DNAH7: variants seen among roughly 807,000 people sequenced by gnomAD.
DNAH7 encodes axonemal beta dynein heavy chain 7.
A neutral mutation model predicts 444.6 loss-of-function variants in DNAH7; 397 were observed. The ratio of observed to expected loss-of-function variants is 0.89; its 90% CI spans 0.82 to 0.97. The LOEUF (loss-of-function observed/expected upper bound fraction) is 0.97, where lower values mean the gene tolerates loss of function less well. DNAH7 is among the 50% of genes least tolerant of loss of function. The pLI, the probability that DNAH7 is intolerant of heterozygous loss-of-function variation, is 0.00. For missense variants in DNAH7, 4,902 were observed against 4,800.8 expected (o/e 1.02, Z -0.62); for synonymous variants, 1,636 against 1,624.4 (o/e 1.01, Z -0.17).
intron 15 of DNAH7, among the ~76,000 whole-genome samples, chr2:195,979,529 C>T (rs1466462937): frequency 6.6e-6 from 1 of 151,948 alleles, no homozygotes; most frequent in Non-Finnish European, 1.5e-5. Context: ...AGTACAAAAA[C>T]TTCAAATAAG....
chr2:196,056,341 A>G (rs2125879521), intron 2 of DNAH7, among the ~76,000 whole-genome samples: 1 of 150,726 alleles, frequency 6.6e-6, no homozygotes, highest in South Asian at 2.1e-4. Flanking sequence ...GCTACTCAGG[A>G]GGCTGAGACA....
intron 42 of DNAH7, among the ~76,000 whole-genome samples, chr2:195,861,224 A>T (rs1329809681): frequency 6.6e-6 from 1 of 152,154 alleles, no homozygotes. Context: ...AAATATTTGA[A>T]TAAACTTCTG....
intron 14 of DNAH7, 116 bp from the exon 15 acceptor site, chr2:195,984,826 C>G (rs1028492858): frequency 5.4e-6 from 5 of 927,950 alleles, no homozygotes; most frequent in Non-Finnish European, 6.5e-6. Context: ...TATAACTTAG[C>G]TATATGACAT....
chr2:195,994,792 T>C (rs1693584630), intron 12 of DNAH7: 1 of 468,054 alleles, frequency 2.1e-6, no homozygotes, highest in East Asian at 5.2e-5. Context: ...GGTTAATAGT[T>C]TGAGGTCCAG....
At chr2:195,947,317 A>G (rs1359105228) in intron 19 of DNAH7, among the ~76,000 whole-genome samples, 1 of 151,942 alleles carries the variant, frequency 6.6e-6, no homozygotes, top group East Asian at 1.9e-4. Flanking sequence ...ATTATACTTT[A>G]AGTTCTGGGA....
At position 195,793,835 on chromosome 2, in the gene DNAH7, A is replaced by G. The variant is rs568189403; in HGVS notation, c.10716+503T>C. Among the ~76,000 whole-genome samples the G allele has an allele frequency of 3.3e-5, 5 of 152,302 alleles. No individual in the cohort carries two copies. In the South Asian group the frequency reaches 8.3e-4, roughly 25 times the overall value. ...TTTTAGGTCACAGACATTCACGTAC[A>G]CAATTCTAATCATGAAAGCAGTGGG... On this transcript the variant is annotated intron_variant, in intron 57 of 64. Transcript: ENST00000312428.
In DNAH7 at chr2:195,958,225, TTCCTCC is replaced by T. The variant is rs959769593; in HGVS notation, c.2892-784_2892-779del. ...GAGATAAGAAGACCAACCCCTCCTC[TTCCTCC>T]TCCTCCTCAGTATACTTGGCATGAA... On this transcript the variant is annotated intron_variant, in intron 18 of 64. Coordinates refer to ENST00000312428, the MANE Select transcript of DNAH7 (RefSeq NM_018897.3). Among the ~76,000 whole-genome samples the T allele has an allele frequency of 2.0e-4, 31 of 152,026 alleles. 2 individuals are homozygous for T. The highest frequency in any genetic ancestry group is 2.0e-3 in the Admixed American group (31 of 15,250).
chr2:195,793,337 GA>G (rs1695978942), intron 57 of DNAH7, among the ~76,000 whole-genome samples: 1 of 152,210 alleles, frequency 6.6e-6, no homozygotes, highest in Non-Finnish European at 1.5e-5. Flanking sequence ...GGCATTTAAT[GA>G]GACTTTGGTT....
At chr2:195,891,579 A>G (rs1025705894) in intron 31 of DNAH7, 76 bp downstream of exon 31, 6 of 1,275,264 alleles carry the variant, frequency 4.7e-6, no homozygotes, top group East Asian at 2.7e-5. Context: ...AGTTTGTTTG[A>G]AAAAAAAATC....
At chr2:196,064,635 TCAAA>T (rs1281247460) in intron 1 of DNAH7, among the ~76,000 whole-genome samples, 3 of 152,342 alleles carry the variant, frequency 2.0e-5, no homozygotes, top group Non-Finnish European at 2.9e-5. Flanking sequence ...CATATGATTG[TCAAA>T]CAATCTAAGA....
chr2:195,923,970 T>C lies in DNAH7; in HGVS notation c.3613-163A>G, dbSNP rs114023161. Among the ~76,000 whole-genome samples the C allele has an allele frequency of 9.0e-3, 1,371 of 152,324 alleles. 16 individuals are homozygous for C. Among genetic ancestry groups the C allele is most frequent in the African/African-American group, 0.031 (1,281 of 41,568 alleles). Reference sequence around the variant, plus strand: ...TTTGTTTTTCTGACTACAAAGATACTAGGTAAACAAGACCAATCAGGCCAC... The same window carrying C: ...TTTGTTTTTCTGACTACAAAGATACCAGGTAAACAAGACCAATCAGGCCAC... On this transcript the variant is annotated intron_variant, in intron 22 of 64. Coordinates refer to ENST00000312428, the MANE Select transcript of DNAH7 (RefSeq NM_018897.3).
rs1452511836 is a variant in DNAH7 at position 196,000,860 on chromosome 2, A to T, written c.1197T>A (p.His399Gln). 6.3e-7 allele frequency: 1 copy of T among 1,585,084 alleles called. No homozygotes were observed. Among genetic ancestry groups the T allele is most frequent in the Non-Finnish European group, 8.6e-7 (1 of 1,169,250 alleles). The change falls in exon 12 of 65, where the codon CAT (histidine) becomes CAA (glutamine). Residue 399 changes from histidine (H) to glutamine (Q), a missense_variant. Physicochemically the swap from His to Gln is conservative, Grantham distance 24. Coordinates refer to ENST00000312428, the MANE Select transcript of DNAH7 (RefSeq NM_018897.3). Reference sequence around the variant, plus strand: ...GAATCAGCCTCATGATGAAACCTGGATGTTCAAAAGCTCTAACAGAATCCT... The same window carrying T: ...GAATCAGCCTCATGATGAAACCTGGTTGTTCAAAAGCTCTAACAGAATCCT... ...QPPDSVRAFE[H>Q]PGFIMRLILD... is the part of the protein sequence containing the mutation.
In DNAH7 at chr2:195,737,789, T is replaced by C; in HGVS notation, c.*132A>G. 1.3e-6 allele frequency: 1 copy of C among 759,220 alleles called. No individual in the cohort carries two copies. Among genetic ancestry groups the C allele is most frequent in the South Asian group, 1.9e-5 (1 of 52,342 alleles). The allele number at this position is 759,220 out of a possible 1,614,324, so 47.0% of individuals were successfully genotyped here. A position where few individuals can be genotyped will look rare whatever the true frequency, so the allele number is the denominator to read the frequency against. ...TATTAAGTTTAGCTGCATTTGCTCATAAGTAAATTCATAATTATAACTTTA... is the reference window on the plus strand; with the variant it reads ...TATTAAGTTTAGCTGCATTTGCTCACAAGTAAATTCATAATTATAACTTTA... On this transcript the variant is annotated 3_prime_UTR_variant, in exon 65 of 65. Coordinates refer to ENST00000312428, the MANE Select transcript of DNAH7 (RefSeq NM_018897.3).
At chr2:195,871,888 G>A (rs1209063447) in intron 40 of DNAH7, among the ~76,000 whole-genome samples, 6 of 62,542 alleles carry the variant, frequency 9.6e-5, no homozygotes, top group Admixed American at 2.1e-4. Context: ...CCGAGATCCC[G>A]CCACTGCACT....
intron 38 of DNAH7, among the ~76,000 whole-genome samples, chr2:195,874,373 T>C (rs72915158): frequency 0.12 from 18,528 of 152,182 alleles, 1,488 homozygotes; most frequent in Middle Eastern, 0.26. Context: ...CTACCCCAGC[T>C]CTGTCTCCAA....
chr2:195,916,188 T>C (rs1407431241), intron 24 of DNAH7, among the ~76,000 whole-genome samples: 4 of 152,198 alleles, frequency 2.6e-5, no homozygotes, highest in African/African-American at 9.6e-5. Flanking sequence ...ACAACTTCTA[T>C]AAGACATCAT....
At chr2:195,934,500 T>C (rs1688912725) in intron 21 of DNAH7, 91 bp downstream of exon 21, 1 of 1,363,944 alleles carries the variant, frequency 7.3e-7, no homozygotes, top group Non-Finnish European at 1.0e-6. Context: ...TCCATTTCTG[T>C]TTAAATAACA....
intron 5 of DNAH7, among the ~76,000 whole-genome samples, chr2:196,045,132 TGGAGGA>T (rs375772751): frequency 1.0e-5 from 1 of 98,568 alleles, no homozygotes; most frequent in African/African-American, 4.0e-5. Flanking sequence ...GAAGAGGAGA[TGGAGGA>T]GGAGGAGAAG....
At chr2:195,995,637 G>A (rs1002500218) in intron 12 of DNAH7, 2 of 240,402 alleles carry the variant, frequency 8.3e-6, no homozygotes, top group Non-Finnish European at 1.7e-5. Flanking sequence ...GACCAGTGGT[G>A]TGGGGGTGAA....
Sources: gnomAD v4.1 joint callset for allele counts (sites outside exome capture counted in the v4.1 genomes callset) on GRCh38, gnomAD v4.1.1 for gene constraint, MANE v1.5 for transcripts, NCBI Gene and HGNC (gene_info 2026-07-23, HGNC 2026-07-21) for gene names.